TOPBP1: variants seen among roughly 807,000 people sequenced by gnomAD.
TOPBP1 encodes the protein DNA topoisomerase II binding protein 1, also known as DNA topoisomerase 2-binding protein 1.
Under a neutral mutation model 167.7 loss-of-function variants are expected in TOPBP1, and 28 were observed. That is an observed-to-expected ratio of 0.17 (90% CI 0.12 to 0.23). The LOEUF is 0.23. TOPBP1 is among the 10% of genes least tolerant of loss of function. The probability of loss-of-function intolerance (pLI) is 1.00; values close to 1 mark genes in which losing one functional copy is unlikely to be tolerated. For synonymous variants in TOPBP1, 598 were observed against 611.4 expected, an observed-to-expected ratio of 0.98 and a Z score of 0.32; for missense variants, 1,554 against 1,809.6, an observed-to-expected ratio of 0.86 and a Z score of 2.56.
intron 27 of TOPBP1, 96 bp downstream of exon 27, chr3:133,608,439 C>T: frequency 7.4e-7 from 1 of 1,357,274 alleles, no homozygotes; most frequent in Non-Finnish European, 1.0e-6. Flanking sequence ...TAATCTTCTA[C>T]TAATCATGAG....
At chr3:133,646,433 A>T (rs559911993) in intron 10 of TOPBP1, among the ~76,000 whole-genome samples, 22 of 152,162 alleles carry the variant, frequency 1.4e-4, no homozygotes, top group African/African-American at 4.8e-4. Context: ...GGAGGATCAC[A>T]TGAGGCCAGG....
Position 133,608,970 on chromosome 3 carries a change from TAAA to T in TOPBP1, c.4174-11_4174-9del. 1 of 1,600,378 alleles carries T rather than the reference TAAA, an allele frequency of 6.2e-7. No homozygotes were observed. The highest frequency in any genetic ancestry group is 8.5e-7 in the Non-Finnish European group (1 of 1,173,948). Reference sequence around the variant, plus strand: ...CCACCCACTAAATGCTCCCTACAAATAAAAAACAATCAGTGGTGAAATCATTTG... The same window carrying T: ...CCACCCACTAAATGCTCCCTACAAATAAACAATCAGTGGTGAAATCATTTG... On this transcript the variant is annotated splice_polypyrimidine_tract_variant and intron_variant, in intron 25 of 27. Transcript: ENST00000260810.
chr3:133,626,252 C>T (rs1035006808), intron 16 of TOPBP1, among the ~76,000 whole-genome samples: 4 of 152,098 alleles, frequency 2.6e-5, no homozygotes, highest in Non-Finnish European at 5.9e-5. Flanking sequence ...GCCCATACAC[C>T]CTTGGTCTAG....
At position 133,616,868 on chromosome 3, in the gene TOPBP1, A is replaced by G; in HGVS notation, c.3817T>C (p.Ser1273Pro). Residue 1273 changes from serine to proline, a missense_variant, in exon 23 of 28, where the codon TCA becomes CCA. Ser to Pro is a moderately conservative substitution (Grantham distance 74). Coordinates refer to ENST00000260810, the MANE Select transcript of TOPBP1 (RefSeq NM_007027.4). ...ATACGTTCTTGAGGATTCAGAGATG[A>G]TAACTGAAATATGTACTGTTTTTTT... is the stretch of plus-strand genomic sequence containing the variant. The part of the protein sequence containing the change: ...ELKKQYIFQL[S>P]SLNPQERIDY... 1.3e-6 allele frequency: 2 copies of G among 1,560,228 alleles called. No individual in the cohort carries two copies. Among genetic ancestry groups the G allele is most frequent in the Non-Finnish European group, 1.7e-6 (2 of 1,155,010 alleles).
At chr3:133,617,646 A>T (rs1046179446) in intron 21 of TOPBP1, 4 of 197,558 alleles carry the variant, frequency 2.0e-5, no homozygotes, top group African/African-American at 9.3e-5. Flanking sequence ...GTAACATGAG[A>T]GCAATTCTAC....
At chr3:133,611,275 A>T (rs1472110349) in intron 24 of TOPBP1, 134 bp from the exon 25 acceptor site, 2 of 686,612 alleles carry the variant, frequency 2.9e-6, no homozygotes, top group Admixed American at 3.9e-5. Flanking sequence ...TACAGACAGT[A>T]CTAAGTAAAT....
intron 16 of TOPBP1, 33 bp downstream of exon 16, chr3:133,628,329 T>C (rs929202914): frequency 3.2e-6 from 5 of 1,549,266 alleles, no homozygotes; most frequent in Non-Finnish European, 4.4e-6. Context: ...ATTTCAGTCA[T>C]ATCACCATGA....
chr3:133,643,882 C>T (rs1050588277), intron 11 of TOPBP1, 138 bp downstream of exon 11: 12 of 906,798 alleles, frequency 1.3e-5, no homozygotes, highest in Admixed American at 3.3e-5. Flanking sequence ...TTGAATTTCC[C>T]TTGCTAAAAG....
At chr3:133,620,071 C>G in intron 20 of TOPBP1, 84 bp downstream of exon 20, 1 of 1,400,016 alleles carries the variant, frequency 7.1e-7, no homozygotes, top group Non-Finnish European at 9.5e-7. Context: ...TTAGGCCAAG[C>G]TCATGGAATT....
intron 19 of TOPBP1, among the ~76,000 whole-genome samples, chr3:133,620,576 CTTTTTT>C (rs532343890): frequency 0.016 from 2,191 of 135,056 alleles, 67 homozygotes; most frequent in African/African-American, 0.056. Flanking sequence ...CCTTCAAATA[CTTTTTT>C]TTTTTTTTTT....
At chr3:133,622,155 A>C (rs563152104) in intron 19 of TOPBP1, among the ~76,000 whole-genome samples, 5 of 151,906 alleles carry the variant, frequency 3.3e-5, no homozygotes, top group Non-Finnish European at 7.4e-5. Context: ...TCAGCGTATG[A>C]AATAGCATGT....
chr3:133,654,787 G>A (rs1411022182), intron 6 of TOPBP1, among the ~76,000 whole-genome samples: 1 of 152,082 alleles, frequency 6.6e-6, no homozygotes, highest in Non-Finnish European at 1.5e-5. Flanking sequence ...GTGCCGCAAG[G>A]TGTGTCTTCC....
rs1166269446 is a variant in TOPBP1 at position 133,601,184 on chromosome 3, ACAGTCACATT to A, written c.*56_*65del. 7.2e-7 allele frequency: 1 copy of A among 1,392,626 alleles called. No individual in the cohort carries two copies. The highest frequency in any genetic ancestry group is 9.8e-7 in the Non-Finnish European group (1 of 1,021,214). The allele number at this position is 1,392,626 out of a possible 1,614,324, so 86.3% of individuals were successfully genotyped here. On this transcript the variant is annotated 3_prime_UTR_variant, in exon 28 of 28. Transcript: ENST00000260810. ...CTTTAAATTACTACCCAAATCTATCACAGTCACATTCAGGCTTTCAATTTTTAAAAACATT... is the reference window on the plus strand; with the variant it reads ...CTTTAAATTACTACCCAAATCTATCACAGGCTTTCAATTTTTAAAAACATT...
intron 12 of TOPBP1, among the ~76,000 whole-genome samples, chr3:133,641,504 T>C (rs896151512): frequency 2.0e-5 from 3 of 152,128 alleles, no homozygotes; most frequent in African/African-American, 7.2e-5. Flanking sequence ...TAACTGAGAC[T>C]ACAGATTTAT....
intron 27 of TOPBP1, among the ~76,000 whole-genome samples, chr3:133,608,258 A>G (rs1194481417): frequency 6.6e-6 from 1 of 152,184 alleles, no homozygotes; most frequent in East Asian, 1.9e-4. Context: ...TTTCTGCTTT[A>G]TATTCCAACA....
chr3:133,643,939 ACTGT>A lies in TOPBP1; in HGVS notation c.1848+77_1848+80del, dbSNP rs778875456. ...CCAAGCATTGATTTACTGTAACTGA[ACTGT>A]CTAAGAAATAAACATTAACCTTCTT... is the stretch of plus-strand genomic sequence containing the variant. On this transcript the variant is annotated intron_variant, in intron 11 of 27. Coordinates refer to ENST00000260810, the MANE Select transcript of TOPBP1 (RefSeq NM_007027.4). 1.2e-4 allele frequency: 162 copies of A among 1,361,140 alleles called. No homozygotes were observed. In the South Asian group the frequency reaches 1.6e-3, roughly 13 times the overall value. 84.3% of individuals were successfully genotyped at this position (1,361,140 alleles called of 1,614,324 possible).
intron 19 of TOPBP1, 93 bp from the exon 20 acceptor site, chr3:133,620,440 A>C (rs1434853648): frequency 1.0e-5 from 13 of 1,276,006 alleles, no homozygotes; most frequent in Non-Finnish European, 1.4e-5. Flanking sequence ...GTTGAACACA[A>C]ACTTATTGAC....
chr3:133,632,350 A>G (rs1217420216), intron 14 of TOPBP1, among the ~76,000 whole-genome samples: 1 of 152,100 alleles, frequency 6.6e-6, no homozygotes, highest in African/African-American at 2.4e-5. Context: ...GGTTGCAGTG[A>G]GCCGAGATCA....
chr3:133,618,590 A>AT (rs201937294), intron 20 of TOPBP1, among the ~76,000 whole-genome samples, 157 bp from the exon 21 acceptor site: 72 of 150,116 alleles, frequency 4.8e-4, no homozygotes, highest in African/African-American at 7.1e-4. Flanking sequence ...ACCTAGGGAC[A>AT]TTTTTTTTTT....
Sources: gnomAD v4.1 joint callset for allele counts (sites outside exome capture counted in the v4.1 genomes callset) on GRCh38, gnomAD v4.1.1 for gene constraint, MANE v1.5 for transcripts, NCBI Gene and HGNC (gene_info 2026-07-23, HGNC 2026-07-21) for gene names.